SHANK2: variants seen among roughly 807,000 people sequenced by gnomAD.
The protein encoded by SHANK2 is SH3 and multiple ankyrin repeat domains protein 2.
Under a neutral mutation model 133.7 loss-of-function variants are expected in SHANK2, and 43 were observed. That is an observed-to-expected ratio of 0.32 (90% confidence interval 0.25 to 0.41). The LOEUF is 0.41. Ranked by LOEUF, SHANK2 falls within the 10% of genes least tolerant of loss-of-function variation. The pLI is 1.00. For missense variants in SHANK2, 1,994 were observed against 2,235.8 expected, an observed-to-expected ratio of 0.89 and a Z score of 2.18; for synonymous variants, 1,017 against 952.8, an observed-to-expected ratio of 1.07 and a Z score of -1.24.
At chr11:70,871,062 G>A (rs1448439315) in intron 11 of SHANK2, among the ~76,000 whole-genome samples, 2 of 152,202 alleles carry the variant, frequency 1.3e-5, no homozygotes, top group Admixed American at 6.5e-5. Context: ...ATAAGCATGA[G>A]CCACTGCACC....
rs143620969 is a variant in SHANK2, at chr11:70,927,142, C to T, written c.1108-30575G>A. On this transcript the variant is annotated intron_variant, in intron 10 of 25. Coordinates refer to ENST00000601538, the MANE Select transcript of SHANK2 (RefSeq NM_012309.5). The stretch of plus-strand genomic sequence containing the variant: ...TTCTTTGTTTTAAAAAAATAAGGGC[C>T]TAGAGTAATAAGAAGTAGACTCCAA... Among the ~76,000 whole-genome samples the T allele has an allele frequency of 8.6e-3, 1,303 of 152,176 alleles. 9 individuals carry two copies. Among genetic ancestry groups the T allele is most frequent in the Admixed American group, 0.015 (237 of 15,298 alleles).
At chr11:70,550,939 G>T (rs748927305) in intron 17 of SHANK2, among the ~76,000 whole-genome samples, 1 of 152,186 alleles carries the variant, frequency 6.6e-6, no homozygotes, top group Non-Finnish European at 1.5e-5. Flanking sequence ...GAGCAGACAC[G>T]TGTGGACCCA....
intron 17 of SHANK2, among the ~76,000 whole-genome samples, chr11:70,553,461 A>T (rs1554978735): frequency 1.3e-5 from 2 of 152,192 alleles, no homozygotes. Context: ...TGGGGATTGG[A>T]ACGCTAATGC....
chr11:70,770,655 T>C (rs1394728640), intron 14 of SHANK2, among the ~76,000 whole-genome samples: 3 of 152,224 alleles, frequency 2.0e-5, no homozygotes, highest in Non-Finnish European at 4.4e-5. Flanking sequence ...TGAGAAGTTG[T>C]AACCGTTTAC....
At chr11:70,918,858 C>T (rs893996738) in intron 10 of SHANK2, among the ~76,000 whole-genome samples, 8 of 152,110 alleles carry the variant, frequency 5.3e-5, no homozygotes, top group African/African-American at 1.9e-4. Context: ...TGATGGTGTA[C>T]AACATGTTTT....
intron 10 of SHANK2, among the ~76,000 whole-genome samples, chr11:70,911,602 T>A (rs1950192800): frequency 6.6e-6 from 1 of 152,050 alleles, no homozygotes; most frequent in Non-Finnish European, 1.5e-5. Context: ...TAATTATCCG[T>A]TTTCCCAGAG....
At chr11:70,914,057 G>C (rs1457574873) in intron 10 of SHANK2, among the ~76,000 whole-genome samples, 2 of 152,196 alleles carry the variant, frequency 1.3e-5, no homozygotes, top group Non-Finnish European at 2.9e-5. Flanking sequence ...AGAGAACAGG[G>C]CGGCGGTGGG....
At chr11:70,544,243 G>A (rs140352713) in intron 17 of SHANK2, among the ~76,000 whole-genome samples, 98 of 152,210 alleles carry the variant, frequency 6.4e-4, no homozygotes, top group African/African-American at 2.3e-3. Flanking sequence ...CTCCAGCCCC[G>A]GCCTGCCCAC....
At chr11:70,868,602 C>T (rs886075343) in intron 11 of SHANK2, among the ~76,000 whole-genome samples, 1 of 152,212 alleles carries the variant, frequency 6.6e-6, no homozygotes, top group Non-Finnish European at 1.5e-5. Flanking sequence ...AGAGTCCAGG[C>T]TCAGCCTATG....
chr11:70,863,709 T>C, intron 11 of SHANK2: 1 of 427,410 alleles, frequency 2.3e-6, no homozygotes, highest in South Asian at 1.7e-5. Context: ...CGTTTCGGCC[T>C]CTTTATTTGG....
rs549068565 is a variant in SHANK2, at chr11:71,129,971, T to C, written c.208-10939A>G. 1.0e-3 allele frequency among the ~76,000 whole-genome samples: 152 copies of C among 152,330 alleles called. 1 individual carries two copies. Among genetic ancestry groups the C allele is most frequent in the Admixed American group, 2.3e-3 (35 of 15,304 alleles). On this transcript the variant is annotated intron_variant, in intron 3 of 25. Transcript: ENST00000601538. The stretch of plus-strand genomic sequence containing the variant: ...TGGTTCCTCTGGAGGCCTCTCTTCC[T>C]GGCTTGCAGACGGCCACCTTCTCTG...
intron 11 of SHANK2, among the ~76,000 whole-genome samples, chr11:70,843,274 G>A (rs1420846479): frequency 1.1e-4 from 17 of 149,110 alleles, no homozygotes; most frequent in South Asian, 2.2e-4. Flanking sequence ...GGGCTGCTAT[G>A]GGGTGGGCTG....
intron 11 of SHANK2, among the ~76,000 whole-genome samples, chr11:70,881,598 A>ATAG (rs1555072428): frequency 4.2e-4 from 63 of 148,476 alleles, no homozygotes; most frequent in African/African-American, 1.5e-3. Context: ...AATAATAATA[A>ATAG]TAGTAAACTC....
intron 2 of SHANK2, among the ~76,000 whole-genome samples, chr11:71,184,830 G>A (rs971523246): frequency 1.3e-5 from 2 of 152,206 alleles, no homozygotes; most frequent in Non-Finnish European, 2.9e-5. Context: ...TGATGAGACT[G>A]AATAAGACCA....
At chr11:71,121,105 A>G (rs533876419) in intron 3 of SHANK2, among the ~76,000 whole-genome samples, 1 of 152,360 alleles carries the variant, frequency 6.6e-6, no homozygotes, top group African/African-American at 2.4e-5. Context: ...ATCTAGAAGG[A>G]GCAAGAGCTC....
Position 70,907,917 on chromosome 11 carries a change from C to T in SHANK2, c.1108-11350G>A, listed in dbSNP as rs1555078258. 8.8e-6 allele frequency: 4 copies of T among 452,728 alleles called. No homozygotes were observed. The Admixed American group carries it at 9.4e-5, about 11-fold the overall frequency. 28.0% of individuals were successfully genotyped at this position (452,728 alleles called of 1,614,324 possible). On this transcript the variant is annotated intron_variant, in intron 10 of 25. Coordinates refer to ENST00000601538, the MANE Select transcript of SHANK2 (RefSeq NM_012309.5). Reference sequence around the variant, plus strand: ...AAGAGTTCGAGACCAGTCTGGCCAACATAGCAAAACCCATCTCCACCAAAA... The same window carrying T: ...AAGAGTTCGAGACCAGTCTGGCCAATATAGCAAAACCCATCTCCACCAAAA...
intron 10 of SHANK2, among the ~76,000 whole-genome samples, chr11:70,945,402 C>T (rs1555085181): frequency 6.6e-6 from 1 of 152,172 alleles, no homozygotes; most frequent in East Asian, 1.9e-4. Context: ...GGTCGTGGTT[C>T]CTCCAAGGTG....
rs567698759 is a variant in SHANK2 at position 71,113,151 on chromosome 11, C to G, written c.483+142G>C. ...GTGTGCACCGTAAGGGCCAGTCTGC[C>G]TGTACATCCCAGCCCAGCCACACGC... On this transcript the variant is annotated intron_variant, in intron 5 of 25. Coordinates refer to ENST00000601538, the MANE Select transcript of SHANK2 (RefSeq NM_012309.5). The G allele has an allele frequency of 1.2e-5, 9 of 769,218 alleles. 1 individual carries two copies. The South Asian group carries it at 1.4e-4, about 12-fold the overall frequency. The allele number at this position is 769,218 out of a possible 1,614,324, so 47.6% of individuals were successfully genotyped here.
At chr11:71,114,003 C>T (rs1375775243) in intron 4 of SHANK2, among the ~76,000 whole-genome samples, 3 of 152,190 alleles carry the variant, frequency 2.0e-5, no homozygotes, top group Non-Finnish European at 4.4e-5. Context: ...AAAATACCTC[C>T]TCCCTCCTCC....
Sources: allele counts gnomAD v4.1 joint callset (sites outside exome capture counted in the v4.1 genomes callset), GRCh38; gene constraint gnomAD v4.1.1; transcripts MANE v1.5; gene names NCBI Gene and HGNC (gene_info 2026-07-23, HGNC 2026-07-21).